Variants in ZNF681 observed in about 807,000 individuals in gnomAD.
The protein encoded by ZNF681 is zinc finger protein 681, also known as hypothetical protein FLJ31526.
ZNF681 carries 37 observed loss-of-function variants against 56.0 expected under a neutral mutation model. That is an observed-to-expected ratio of 0.66 (90% CI 0.51 to 0.87). ZNF681 has a LOEUF of 0.87. Ranked by LOEUF, ZNF681 falls within the 40% of genes least tolerant of loss-of-function variation. ZNF681 has a pLI of 0.00. For synonymous variants in ZNF681, 225 were observed against 248.6 expected, an observed-to-expected ratio of 0.91 and a Z score of 0.89; for missense variants, 741 against 744.9, an observed-to-expected ratio of 0.99 and a Z score of 0.06.
intron 3 of ZNF681, among the ~76,000 whole-genome samples, chr19:23,748,552 TCA>T (rs1270141717): frequency 6.6e-6 from 1 of 152,194 alleles, no homozygotes. Context: ...GTATAGAAGT[TCA>T]CGGCCCTTAT....
Position 23,744,887 on chromosome 19 carries a change from A to G in ZNF681, c.663T>C (p.Ile221=), listed in dbSNP as rs774968685. Residue 221 remains isoleucine (I), a synonymous_variant, in exon 4 of 4, where the codon ATT becomes ATC. Coordinates refer to ENST00000402377, the MANE Select transcript of ZNF681 (RefSeq NM_138286.3). The stretch of plus-strand genomic sequence containing the variant: ...CTTCACATATGTACGATTTCTCTCC[A>G]ATATGAATTCTTTTATGTTTAGTAA... The part of the protein sequence containing the change: ...SIFTKHKRIH[I]GEKSYICEEC... 6.2e-7 allele frequency: 1 copy of G among 1,612,406 alleles called. No individual in the cohort carries two copies. Among genetic ancestry groups the G allele is most frequent in the South Asian group, 1.1e-5 (1 of 90,700 alleles).
In ZNF681 at chr19:23,739,281, C is replaced by CTTGTT. The variant is rs1296868215; in HGVS notation, c.*4330_*4331insAACAA. 5.3e-5 allele frequency: 8 copies of CTTGTT among 152,162 alleles called. No individual in the cohort carries two copies. The highest frequency in any genetic ancestry group is 4.1e-4 in the South Asian group (2 of 4,820). The allele number at this position is 152,162 out of a possible 1,614,324, so 9.4% of individuals were successfully genotyped here. Reference sequence around the variant, plus strand: ...CTTACATGATTCTAGAAAAATTAATCTAACTGAAGTGGAGAATAAAATGGT... The same window carrying CTTGTT: ...CTTACATGATTCTAGAAAAATTAATCTTGTTTAACTGAAGTGGAGAATAAAATGGT... On this transcript the variant is annotated 3_prime_UTR_variant, in exon 4 of 4. Transcript: ENST00000402377.
chr19:23,756,692 A>G (rs1442043306), intron 1 of ZNF681, among the ~76,000 whole-genome samples: 1 of 152,118 alleles, frequency 6.6e-6, no homozygotes, highest in Non-Finnish European at 1.5e-5. Context: ...TAGCTAATGC[A>G]TGCCAGGTTT....
intron 3 of ZNF681, among the ~76,000 whole-genome samples, chr19:23,753,775 T>C (rs999246814): frequency 6.8e-6 from 1 of 148,090 alleles, no homozygotes; most frequent in African/African-American, 2.5e-5. Flanking sequence ...GGCAGGATAA[T>C]AGCTTGAACC....
chr19:23,739,638 G>C lies in ZNF681; in HGVS notation c.*3974C>G, dbSNP rs1271271734. 6.6e-6 allele frequency: 1 copy of C among 152,152 alleles called. No homozygotes were observed. The highest frequency in any genetic ancestry group is 1.5e-5 in the Non-Finnish European group (1 of 68,018). 9.4% of individuals were successfully genotyped at this position (152,152 alleles called of 1,614,324 possible). On this transcript the variant is annotated 3_prime_UTR_variant, in exon 4 of 4. Transcript: ENST00000402377. ...TATGAAAGACACTAAAAGGGCAGCTGTTTCTTATGGTCTCATGACTGGCCA... is the reference window on the plus strand; with the variant it reads ...TATGAAAGACACTAAAAGGGCAGCTCTTTCTTATGGTCTCATGACTGGCCA...
intron 1 of ZNF681, 123 bp downstream of exon 1, chr19:23,758,624 G>A (rs2144859080): frequency 2.0e-6 from 3 of 1,473,758 alleles, no homozygotes; most frequent in South Asian, 2.3e-5. Flanking sequence ...TATGGTCCAA[G>A]TGGACTGAGG....
chr19:23,742,140 T>C lies in ZNF681; in HGVS notation c.*1472A>G, dbSNP rs894870902. ...GTCTTAACATGTTTTTTAAAAAGCC[T>C]GATTAATAAGTTCACACATTATCTA... is the stretch of plus-strand genomic sequence containing the variant. On this transcript the variant is annotated 3_prime_UTR_variant, in exon 4 of 4. Transcript: ENST00000402377. 2.0e-4 allele frequency: 30 copies of C among 152,202 alleles called. No individual in the cohort carries two copies. The highest frequency in any genetic ancestry group is 2.0e-3 in the Admixed American group (30 of 15,278). 9.4% of individuals were successfully genotyped at this position (152,202 alleles called of 1,614,324 possible).
rs1321598063 is a variant in ZNF681, at chr19:23,742,975, A to G, written c.*637T>C. On this transcript the variant is annotated 3_prime_UTR_variant, in exon 4 of 4. Transcript: ENST00000402377. ...CAATCTGATTTAGTGTAATGCCTGA[A>G]GTGTCAGTGCCTTAACTATTTCTAC... 4 of 152,180 alleles carry G rather than the reference A, an allele frequency of 2.6e-5. No individual in the cohort carries two copies. Among genetic ancestry groups the G allele is most frequent in the African/African-American group, 9.7e-5 (4 of 41,442 alleles). The allele number at this position is 152,180 out of a possible 1,614,324, so 9.4% of individuals were successfully genotyped here. A position where few individuals can be genotyped will look rare whatever the true frequency, so the allele number is the denominator to read the frequency against.
intron 1 of ZNF681, 67 bp from the exon 2 acceptor site, chr19:23,755,618 C>T (rs1969105384): frequency 2.2e-6 from 3 of 1,360,412 alleles, no homozygotes; most frequent in South Asian, 2.0e-5. Context: ...TAGAAAGTGG[C>T]CATGGAAAGA....
At chr19:23,757,448 T>C (rs1322421328) in intron 1 of ZNF681, among the ~76,000 whole-genome samples, 1 of 152,042 alleles carries the variant, frequency 6.6e-6, no homozygotes, top group African/African-American at 2.4e-5. Flanking sequence ...GCGGAAAGAA[T>C]TTAATGTATT....
chr19:23,756,345 T>C (rs769132514), intron 1 of ZNF681, among the ~76,000 whole-genome samples: 59 of 150,222 alleles, frequency 3.9e-4, no homozygotes, highest in Non-Finnish European at 6.5e-4. Context: ...AAGACACATA[T>C]GTTATTGAAT....
intron 3 of ZNF681, among the ~76,000 whole-genome samples, chr19:23,751,458 G>C (rs1969029242): frequency 1.5e-5 from 2 of 130,396 alleles, no homozygotes; most frequent in African/African-American, 5.8e-5. Flanking sequence ...TCTGGCGACA[G>C]AGTGAGACTC....
chr19:23,746,927 C>A (rs7508344), intron 3 of ZNF681, among the ~76,000 whole-genome samples: 6 of 152,160 alleles, frequency 3.9e-5, no homozygotes, highest in Admixed American at 6.6e-5. Flanking sequence ...AGTTTGAGAC[C>A]AGCCTAGGCA....
At chr19:23,753,639 G>C (rs1192894958) in intron 3 of ZNF681, among the ~76,000 whole-genome samples, 1 of 152,156 alleles carries the variant, frequency 6.6e-6, no homozygotes, top group African/African-American at 2.4e-5. Flanking sequence ...GAGGCAGGCA[G>C]ATCATGAGGT....
chr19:23,758,822 C>T lies in ZNF681; in HGVS notation c.-73G>A, dbSNP rs910841174. 8.1e-6 allele frequency: 13 copies of T among 1,603,372 alleles called. No homozygotes were observed. Among genetic ancestry groups the T allele is most frequent in the Middle Eastern group, 1.7e-4 (1 of 6,050 alleles). ...CCTGCAGGTCAGAGGGCCATAGAGGCTGGGCCTCTAGAAGAAGAGGACACA... is the reference window on the plus strand; with the variant it reads ...CCTGCAGGTCAGAGGGCCATAGAGGTTGGGCCTCTAGAAGAAGAGGACACA... On this transcript the variant is annotated 5_prime_UTR_variant, in exon 1 of 4. Coordinates refer to ENST00000402377, the MANE Select transcript of ZNF681 (RefSeq NM_138286.3).
intron 3 of ZNF681, among the ~76,000 whole-genome samples, chr19:23,746,780 T>G (rs1599453632): frequency 6.6e-6 from 1 of 152,318 alleles, no homozygotes; most frequent in Non-Finnish European, 1.5e-5. Context: ...CACAATATTC[T>G]TATTTGCACC....
chr19:23,755,658 A>G (rs1463200262), intron 1 of ZNF681, 107 bp from the exon 2 acceptor site: 2 of 1,285,478 alleles, frequency 1.6e-6, no homozygotes, highest in Admixed American at 3.0e-5. Context: ...GTAAAATAAG[A>G]AAGTGAAGAG....
chr19:23,752,046 AC>A (rs772781856), intron 3 of ZNF681, among the ~76,000 whole-genome samples: 4 of 152,102 alleles, frequency 2.6e-5, no homozygotes, highest in Non-Finnish European at 1.5e-5. Flanking sequence ...ATGTAGCAAG[AC>A]CCAATCTCCA....
chr19:23,750,273 G>A (rs1182178915), intron 3 of ZNF681, among the ~76,000 whole-genome samples: 26 of 123,558 alleles, frequency 2.1e-4, no homozygotes, highest in Non-Finnish European at 3.4e-4. Flanking sequence ...GACAGAGTGA[G>A]ACTCCAACTC....
Sources: allele counts gnomAD v4.1 joint callset (sites outside exome capture counted in the v4.1 genomes callset), GRCh38; gene constraint gnomAD v4.1.1; transcripts MANE v1.5; gene names NCBI Gene and HGNC (gene_info 2026-07-23, HGNC 2026-07-21).